The following ADGRL3 variants were observed in gnomAD, a reference collection of about 807,000 sequenced individuals.
The protein encoded by ADGRL3 is calcium-independent alpha-latrotoxin receptor 3.
In ADGRL3, 62 loss-of-function variants were observed where a neutral mutation model predicts 153.5. The observed-to-expected ratio is 0.40, with a 90% CI of 0.33 to 0.50. ADGRL3 has a LOEUF of 0.50. ADGRL3 is among the 20% of genes least tolerant of loss of function. The pLI is 0.47. For synonymous variants in ADGRL3, 710 were observed against 672.5 expected (o/e 1.06, Z -0.86); for missense variants, 1,641 against 1,859.4 (o/e 0.88, Z 2.16).
chr4:61,359,595 G>A (rs2096251352), intron 1 of ADGRL3, among the ~76,000 whole-genome samples: 1 of 152,114 alleles, frequency 6.6e-6, no homozygotes, highest in Non-Finnish European at 1.5e-5. Flanking sequence ...CTTCCTACCA[G>A]TTACATTCAG....
At chr4:61,596,583 A>C (rs1347201166) in intron 5 of ADGRL3, among the ~76,000 whole-genome samples, 3 of 152,182 alleles carry the variant, frequency 2.0e-5, no homozygotes, top group Non-Finnish European at 2.9e-5. Context: ...TACCAATCAT[A>C]AGCTTTAATT....
chr4:61,406,894 ATGC>A (rs2097006908), intron 2 of ADGRL3, among the ~76,000 whole-genome samples: 1 of 152,072 alleles, frequency 6.6e-6, no homozygotes, highest in African/African-American at 2.4e-5. Flanking sequence ...TAATAACAGT[ATGC>A]TACATACTAC....
intron 1 of ADGRL3, among the ~76,000 whole-genome samples, chr4:61,275,965 A>G (rs1292453162): frequency 1.3e-5 from 2 of 152,206 alleles, no homozygotes; most frequent in Non-Finnish European, 2.9e-5. Flanking sequence ...CACAGGCCAA[A>G]GAAAGGCGTT....
chr4:61,372,348 C>G (rs1156834446), intron 1 of ADGRL3, among the ~76,000 whole-genome samples: 1 of 152,030 alleles, frequency 6.6e-6, no homozygotes, highest in Non-Finnish European at 1.5e-5. Context: ...GTTTTTTCCC[C>G]ATCTTTGTGG....
chr4:61,658,409 T>C (rs896112971), intron 5 of ADGRL3, among the ~76,000 whole-genome samples: 1 of 152,148 alleles, frequency 6.6e-6, no homozygotes, highest in African/African-American at 2.4e-5. Flanking sequence ...CTCATATAAT[T>C]ATTAGCTGGA....
intron 8 of ADGRL3, among the ~76,000 whole-genome samples, chr4:61,773,255 T>C (rs2097107034): frequency 6.6e-6 from 1 of 152,144 alleles, no homozygotes; most frequent in Non-Finnish European, 1.5e-5. Flanking sequence ...ACATGAAACA[T>C]AGAGAAAAGC....
At chr4:61,268,746 A>G (rs1198300682) in intron 1 of ADGRL3, among the ~76,000 whole-genome samples, 1 of 151,614 alleles carries the variant, frequency 6.6e-6, no homozygotes, top group Non-Finnish European at 1.5e-5. Flanking sequence ...CCTGTAATGC[A>G]TCATTTGATT....
rs1238709295 is a variant in ADGRL3 at position 62,076,421 on chromosome 4, T to G, written c.*5513T>G. 6.6e-6 allele frequency: 1 copy of G among 152,038 alleles called. No homozygotes were observed. The highest frequency in any genetic ancestry group is 1.9e-4 in the East Asian group (1 of 5,184). The allele number at this position is 152,038 out of a possible 1,614,324, so 9.4% of individuals were successfully genotyped here. A position where few individuals can be genotyped will look rare whatever the true frequency, so the allele number is the denominator to read the frequency against. ...AGACTATACATGAACAAATCTCTAT[T>G]GGGATAAACAAGTCTCTTCAACCAC... is the stretch of plus-strand genomic sequence containing the variant. On this transcript the variant is annotated 3_prime_UTR_variant, in exon 27 of 27. Transcript: ENST00000683033.
chr4:61,742,167 T>A (rs1259270704), intron 8 of ADGRL3, among the ~76,000 whole-genome samples: 1 of 152,218 alleles, frequency 6.6e-6, no homozygotes, highest in African/African-American at 2.4e-5. Flanking sequence ...TTAGCACAGA[T>A]AAGTGAGAGT....
At chr4:61,240,597 A>G (rs942466575) in intron 1 of ADGRL3, among the ~76,000 whole-genome samples, 2 of 152,114 alleles carry the variant, frequency 1.3e-5, no homozygotes, top group Non-Finnish European at 2.9e-5. Flanking sequence ...AATTTAGTTG[A>G]ATAGGTGTCA....
intron 5 of ADGRL3, among the ~76,000 whole-genome samples, chr4:61,593,136 C>T (rs544965342): frequency 1.3e-5 from 2 of 152,296 alleles, no homozygotes; most frequent in African/African-American, 4.8e-5. Context: ...AATAAAAACT[C>T]TACACTTTAA....
rs142228229 is a variant in ADGRL3, at chr4:61,876,767, G to A, written c.1481-15889G>A. Among the ~76,000 whole-genome samples the A allele has an allele frequency of 6.4e-4, 97 of 151,462 alleles. 2 individuals carry two copies. The East Asian group carries it at 0.019, about 29-fold the overall frequency. ...AAAATAAAATAAAATAAAATGGGGA[G>A]GCATGAATAATCCACCCCTTGTTTA... On this transcript the variant is annotated intron_variant, in intron 9 of 26. Transcript: ENST00000683033.
intron 21 of ADGRL3, among the ~76,000 whole-genome samples, chr4:62,002,536 C>G (rs1447991909): frequency 6.6e-6 from 1 of 151,502 alleles, no homozygotes; most frequent in East Asian, 1.9e-4. Flanking sequence ...TGGCTCATTA[C>G]TATATTAAAG....
intron 2 of ADGRL3, among the ~76,000 whole-genome samples, chr4:61,406,783 T>C (rs1157571528): frequency 6.6e-6 from 1 of 152,028 alleles, no homozygotes; most frequent in Non-Finnish European, 1.5e-5. Flanking sequence ...TTATTCAGCA[T>C]GCCAGGTTGG....
intron 21 of ADGRL3, among the ~76,000 whole-genome samples, chr4:62,008,314 G>A (rs1334154245): frequency 6.6e-6 from 1 of 152,120 alleles, no homozygotes; most frequent in Non-Finnish European, 1.5e-5. Flanking sequence ...TACACAATTA[G>A]TTGATATTGA....
intron 8 of ADGRL3, among the ~76,000 whole-genome samples, chr4:61,781,838 C>T (rs1350948929): frequency 1.3e-5 from 2 of 152,102 alleles, no homozygotes; most frequent in Non-Finnish European, 2.9e-5. Context: ...ATCATGATTA[C>T]CTATATTTAG....
chr4:61,514,068 T>C (rs1035089961), intron 3 of ADGRL3, among the ~76,000 whole-genome samples: 23 of 152,214 alleles, frequency 1.5e-4, no homozygotes, highest in Non-Finnish European at 3.1e-4. Context: ...GCATTTAGAA[T>C]GTGAAAACTA....
intron 5 of ADGRL3, among the ~76,000 whole-genome samples, chr4:61,639,669 TAGAG>T (rs2150143230): frequency 6.6e-6 from 1 of 152,254 alleles, no homozygotes; most frequent in African/African-American, 2.4e-5. Context: ...TATACTGAAA[TAGAG>T]AGGTTATAAA....
intron 21 of ADGRL3, among the ~76,000 whole-genome samples, chr4:62,005,043 C>T (rs1276506452): frequency 6.6e-6 from 1 of 152,104 alleles, no homozygotes; most frequent in Non-Finnish European, 1.5e-5. Flanking sequence ...CACTACTAGA[C>T]TTGCTTCAGA....
Sources: allele counts gnomAD v4.1 joint callset (sites outside exome capture counted in the v4.1 genomes callset), GRCh38; gene constraint gnomAD v4.1.1; transcripts MANE v1.5; gene names NCBI Gene and HGNC (gene_info 2026-07-23, HGNC 2026-07-21).